Variants in RNF166 observed in about 807,000 individuals in gnomAD.
The protein encoded by RNF166 is E3 ubiquitin-protein ligase RNF166.
RNF166 carries 19 observed loss-of-function variants against 29.4 expected under a neutral mutation model. The observed-to-expected ratio is 0.65, with a 90% CI of 0.45 to 0.95. The LOEUF (loss-of-function observed/expected upper bound fraction) is 0.95, where lower values mean the gene tolerates loss of function less well. Ranked by LOEUF, RNF166 falls within the 40% of genes least tolerant of loss-of-function variation. The pLI, the probability that RNF166 is intolerant of heterozygous loss-of-function variation, is 0.00. For synonymous variants in RNF166, 171 were observed against 134.5 expected, an observed-to-expected ratio of 1.27 and a Z score of -1.88; for missense variants, 347 against 322.1, an observed-to-expected ratio of 1.08 and a Z score of -0.59.
In RNF166 at chr16:88,706,090, C is replaced by G. The variant is rs1464891975; in HGVS notation, c.155+81G>C. The G allele has an allele frequency of 8.3e-6, 8 of 965,772 alleles. No individual in the cohort carries two copies. In the Admixed American group the frequency reaches 1.7e-4, roughly 21 times the overall value. The allele number at this position is 965,772 out of a possible 1,614,324, so 59.8% of individuals were successfully genotyped here. ...CCCGCGCGCCCAGTCCGGAGCTGCACCGGGGCGGCCGCCGGCCTCGCGACC... is the reference window on the plus strand; with the variant it reads ...CCCGCGCGCCCAGTCCGGAGCTGCAGCGGGGCGGCCGCCGGCCTCGCGACC... On this transcript the variant is annotated intron_variant, in intron 1 of 5. Coordinates refer to ENST00000312838, the MANE Select transcript of RNF166 (RefSeq NM_178841.4).
chr16:88,706,396 A>T lies in RNF166; in HGVS notation c.-71T>A. 2 of 1,221,816 alleles carry T rather than the reference A, an allele frequency of 1.6e-6. No individual in the cohort carries two copies. The highest frequency in any genetic ancestry group is 3.3e-5 in the East Asian group (1 of 29,978). The allele number at this position is 1,221,816 out of a possible 1,614,324, so 75.7% of individuals were successfully genotyped here. On this transcript the variant is annotated 5_prime_UTR_variant, in exon 1 of 6. Coordinates refer to ENST00000312838, the MANE Select transcript of RNF166 (RefSeq NM_178841.4). Reference sequence around the variant, plus strand: ...GGCCGGCCCGCTAGTCACAGCCGCTACTGCGCCGCGCTGACGTCATCGTAG... The same window carrying T: ...GGCCGGCCCGCTAGTCACAGCCGCTTCTGCGCCGCGCTGACGTCATCGTAG...
chr16:88,701,208 T>C, intron 2 of RNF166, 54 bp downstream of exon 2: 1 of 1,604,822 alleles, frequency 6.2e-7, no homozygotes. Flanking sequence ...ACCCGTGGGC[T>C]GAGGCTGCCC....
Position 88,697,620 on chromosome 16 carries a change from T to TGTA in RNF166, c.661_662insTAC (p.Asp221delinsValHis). The TGTA allele has an allele frequency of 6.4e-7, 1 of 1,552,054 alleles. No individual in the cohort carries two copies. The highest frequency in any genetic ancestry group is 8.7e-7 in the Non-Finnish European group (1 of 1,147,638). On this transcript the variant is annotated protein_altering_variant, in exon 6 of 6. Transcript: ENST00000312838. Reference sequence around the variant, plus strand: ...AGCAGCCTGGAAGGCGGCCTCCTCGTCAATACTGTAGTCCTGGAGACAGGA... The same window carrying TGTA: ...AGCAGCCTGGAAGGCGGCCTCCTCGTGTACAATACTGTAGTCCTGGAGACAGGA...
At chr16:88,699,266 C>G (rs1385489973) in intron 3 of RNF166, among the ~76,000 whole-genome samples, 181 bp from the exon 4 acceptor site, 4 of 152,370 alleles carry the variant, frequency 2.6e-5, no homozygotes, top group African/African-American at 9.6e-5. Context: ...ACCCAGGACC[C>G]TCGTCCACCC....
rs1383735525 is a variant in RNF166 at position 88,697,758 on chromosome 16, C to A, written c.649-125G>T. 5.1e-5 allele frequency: 36 copies of A among 702,184 alleles called. No individual in the cohort carries two copies. The Middle Eastern group carries it at 1.6e-3, about 31-fold the overall frequency. The allele number at this position is 702,184 out of a possible 1,614,324, so 43.5% of individuals were successfully genotyped here. On this transcript the variant is annotated intron_variant, in intron 5 of 5. Transcript: ENST00000312838. ...CCCTCCAGCAGGACACAGGAAGGAC[C>A]CAGCTCCACTGTCCCCACAGGCTCG...
At chr16:88,705,960 G>T (rs978667693) in intron 1 of RNF166, among the ~76,000 whole-genome samples, 8 of 152,088 alleles carry the variant, frequency 5.3e-5, no homozygotes, top group African/African-American at 1.9e-4. Flanking sequence ...CCTGCGGCTG[G>T]CGCGAAGGAG....
intron 1 of RNF166, among the ~76,000 whole-genome samples, chr16:88,704,677 C>T (rs1910589540): frequency 6.6e-6 from 1 of 152,194 alleles, no homozygotes; most frequent in Non-Finnish European, 1.5e-5. Context: ...CACCTTCAAA[C>T]ACCCGCTACC....
chr16:88,706,225 G>T lies in RNF166; in HGVS notation c.101C>A (p.Pro34His). 2 of 1,325,214 alleles carry T rather than the reference G, an allele frequency of 1.5e-6. No homozygotes were observed. The highest frequency in any genetic ancestry group is 1.7e-5 in the South Asian group (1 of 57,952). The allele number at this position is 1,325,214 out of a possible 1,614,324, so 82.1% of individuals were successfully genotyped here. A position where few individuals can be genotyped will look rare whatever the true frequency, so the allele number is the denominator to read the frequency against. The part of the protein sequence containing the change: ...DSGLEAQYTC[P>H]ICLEVYHRPV... ...CCGGTGATAGACCTCCAGGCAGATG[G>T]GGCAGGTGTACTGCGCCTCCAGGCC... Residue 34 changes from proline to histidine, a missense_variant, in exon 1 of 6, where the codon CCC (proline) becomes CAC (histidine). Pro to His is a moderately conservative substitution (Grantham distance 77). Coordinates refer to ENST00000312838, the MANE Select transcript of RNF166 (RefSeq NM_178841.4).
In RNF166 at chr16:88,701,654, C is replaced by A. The variant is rs548206250; in HGVS notation, c.156-236G>T. ...TCCTGACAGTAGGCCCCTGTGGTTT[C>A]TGGCTAGCGGCAGAGCCGTCACTAT... On this transcript the variant is annotated intron_variant, in intron 1 of 5. Transcript: ENST00000312838. The A allele has an allele frequency of 1.9e-5, 9 of 480,360 alleles. No homozygotes were observed. The South Asian group carries it at 2.9e-4, about 16-fold the overall frequency. 29.8% of individuals were successfully genotyped at this position (480,360 alleles called of 1,614,324 possible).
chr16:88,702,754 G>A, intron 1 of RNF166: 1 of 985,432 alleles, frequency 1.0e-6, no homozygotes, highest in Non-Finnish European at 1.2e-6. Context: ...AGAGTAAAGA[G>A]GTCGCTCACT....
Position 88,698,608 on chromosome 16 carries a change from A to C in RNF166, c.542T>G (p.Val181Gly). The stretch of plus-strand genomic sequence containing the variant: ...GGGCATTGCCGAGCAGATGGGGCAC[A>C]CCTGGAACAGGCACTGGGGTCAAGC... ...ESHRSDPNRV[V>G]CPICSAMPWG... The change falls in exon 5 of 6, where the codon GTG becomes GGG. Residue 181 changes from valine (V) to glycine (G), a missense_variant and splice_region_variant. By Grantham distance (109) the Val-to-Gly change is moderately radical. Transcript: ENST00000312838. The C allele has an allele frequency of 6.6e-7, 1 of 1,518,960 alleles. No individual in the cohort carries two copies. Among genetic ancestry groups the C allele is most frequent in the Non-Finnish European group, 8.9e-7 (1 of 1,128,378 alleles). The allele number at this position is 1,518,960 out of a possible 1,614,324, so 94.1% of individuals were successfully genotyped here.
chr16:88,697,359 C>T lies in RNF166; in HGVS notation c.*209G>A. The T allele has an allele frequency of 2.1e-6, 1 of 476,652 alleles. No homozygotes were observed. Among genetic ancestry groups the T allele is most frequent in the Non-Finnish European group, 3.8e-6 (1 of 264,048 alleles). 29.5% of individuals were successfully genotyped at this position (476,652 alleles called of 1,614,324 possible). A position where few individuals can be genotyped will look rare whatever the true frequency, so the allele number is the denominator to read the frequency against. On this transcript the variant is annotated 3_prime_UTR_variant, in exon 6 of 6. Transcript: ENST00000312838. ...AGAAGCACCGAAGAACCCAGCGACGCCGGTGGGACCAGGCGGCCCTGCTCT... is the reference window on the plus strand; with the variant it reads ...AGAAGCACCGAAGAACCCAGCGACGTCGGTGGGACCAGGCGGCCCTGCTCT...
intron 4 of RNF166, 36 bp from the exon 5 acceptor site, chr16:88,698,645 G>A (rs1039474210): frequency 6.9e-6 from 10 of 1,442,222 alleles, no homozygotes; most frequent in African/African-American, 1.4e-5. Flanking sequence ...GAGCCGGACC[G>A]CGGAGAGGCG....
chr16:88,697,706 A>G, intron 5 of RNF166, 73 bp from the exon 6 acceptor site: 1 of 1,132,046 alleles, frequency 8.8e-7, no homozygotes, highest in Non-Finnish European at 1.3e-6. Flanking sequence ...CCCATCACCC[A>G]CACAGGCGTG....
chr16:88,703,445 T>A, intron 1 of RNF166: 1 of 985,420 alleles, frequency 1.0e-6, no homozygotes, highest in African/African-American at 1.7e-5. Flanking sequence ...GAAGACAGCC[T>A]CGTCCTCCCC....
chr16:88,703,964 C>T (rs1313581245), intron 1 of RNF166: 3 of 985,362 alleles, frequency 3.0e-6, no homozygotes, highest in East Asian at 1.1e-4. Flanking sequence ...GTGTCCTGGC[C>T]CACAGGCTTC....
chr16:88,704,509 A>G (rs1033486227), intron 1 of RNF166: 120 of 985,326 alleles, frequency 1.2e-4, no homozygotes, highest in Non-Finnish European at 1.4e-4. Flanking sequence ...TTTGAAAAAG[A>G]AGGGCAAAGA....
chr16:88,699,648 C>A lies in RNF166; in HGVS notation c.397G>T (p.Val133Leu), dbSNP rs552205763. The A allele has an allele frequency of 6.2e-7, 1 of 1,613,334 alleles. No homozygotes were observed. The highest frequency in any genetic ancestry group is 1.7e-5 in the Admixed American group (1 of 60,016). Reference sequence around the variant, plus strand: ...GGGATAGGCTGTGATGTGGGCACCACGGGGACGAACTTGGGGCAGTTGGCC... The same window carrying A: ...GGGATAGGCTGTGATGTGGGCACCAAGGGGACGAACTTGGGGCAGTTGGCC... ...QMANCPKFVP[V>L]VPTSQPIPSN... The change falls in exon 3 of 6, where the codon GTG becomes TTG. Residue 133 changes from valine (V) to leucine (L), a missense_variant. Transcript: ENST00000312838.
At chr16:88,700,029 T>G in intron 2 of RNF166, 1 of 217,096 alleles carries the variant, frequency 4.6e-6, no homozygotes, top group Non-Finnish European at 9.1e-6. Flanking sequence ...GTTCAAATAC[T>G]TGCTCCAGAA....
Sources: allele counts gnomAD v4.1 joint callset (sites outside exome capture counted in the v4.1 genomes callset), GRCh38; gene constraint gnomAD v4.1.1; transcripts MANE v1.5; gene names NCBI Gene and HGNC (gene_info 2026-07-23, HGNC 2026-07-21).